Variants in OSBPL8 observed in about 807,000 individuals in gnomAD.
The protein encoded by OSBPL8 is oxysterol binding protein like 8, also known as oxysterol-binding protein-related protein 8.
Under a neutral mutation model 125.5 loss-of-function variants are expected in OSBPL8, and 59 were observed. That is an observed-to-expected ratio of 0.47 (90% confidence interval 0.38 to 0.58). The LOEUF is 0.58. Ranked by LOEUF, OSBPL8 falls within the 20% of genes least tolerant of loss-of-function variation. OSBPL8 has a pLI of 0.00. For synonymous variants in OSBPL8, 330 were observed against 338.9 expected (o/e 0.97, Z 0.29); for missense variants, 758 against 1,047.8 (o/e 0.72, Z 3.82).
chr12:76,362,101 C>T (rs1952228829), intron 21 of OSBPL8, among the ~76,000 whole-genome samples: 1 of 152,022 alleles, frequency 6.6e-6, no homozygotes, highest in African/African-American at 2.4e-5. Flanking sequence ...GCCCATACTC[C>T]TACTTCAAAT....
chr12:76,375,227 A>T, intron 17 of OSBPL8, 46 bp downstream of exon 17: 1 of 1,277,012 alleles, frequency 7.8e-7, no homozygotes, highest in South Asian at 1.3e-5. Context: ...TATTTATTGT[A>T]TGGCTCTCCT....
At chr12:76,487,464 TCA>T in intron 2 of OSBPL8, 44 bp downstream of exon 2, 2 of 1,513,968 alleles carry the variant, frequency 1.3e-6, no homozygotes, top group Non-Finnish European at 1.8e-6. Flanking sequence ...ATCAAACACT[TCA>T]CAGTTACAGA....
At chr12:76,480,328 T>G (rs1289856952) in intron 2 of OSBPL8, among the ~76,000 whole-genome samples, 1 of 152,178 alleles carries the variant, frequency 6.6e-6, no homozygotes, top group African/African-American at 2.4e-5. Context: ...CAGTAAATAC[T>G]TATGAATACA....
chr12:76,416,100 G>A (rs557552256), intron 4 of OSBPL8, among the ~76,000 whole-genome samples: 3 of 151,824 alleles, frequency 2.0e-5, no homozygotes, highest in Admixed American at 6.6e-5. Context: ...CACAAATTTC[G>A]ATATGTAATG....
chr12:76,541,580 T>A (rs982127079), intron 1 of OSBPL8, among the ~76,000 whole-genome samples: 2 of 152,154 alleles, frequency 1.3e-5, no homozygotes, highest in Non-Finnish European at 1.5e-5. Flanking sequence ...ATAGGCCAGT[T>A]GAGGTGGCTC....
At chr12:76,446,628 A>C (rs1872749580) in intron 4 of OSBPL8, among the ~76,000 whole-genome samples, 1 of 152,180 alleles carries the variant, frequency 6.6e-6, no homozygotes, top group Admixed American at 6.5e-5. Flanking sequence ...AAAGCCTAAA[A>C]TGTCAGCCTT....
chr12:76,493,243 C>G (rs1878924945), intron 1 of OSBPL8, among the ~76,000 whole-genome samples: 1 of 152,210 alleles, frequency 6.6e-6, no homozygotes, highest in Non-Finnish European at 1.5e-5. Context: ...TACACCAAAG[C>G]TCCAAACCAA....
intron 4 of OSBPL8, among the ~76,000 whole-genome samples, chr12:76,434,125 C>T (rs532474690): frequency 6.6e-6 from 1 of 152,028 alleles, no homozygotes; most frequent in South Asian, 2.1e-4. Flanking sequence ...CAACAGTAAT[C>T]AAAATGGTAT....
In OSBPL8 at chr12:76,514,080, T is replaced by C. The variant is rs1413374158; in HGVS notation, c.-67-26462A>G. Among the ~76,000 whole-genome samples the C allele has an allele frequency of 2.0e-5, 3 of 152,144 alleles. No homozygotes were observed. In the East Asian group the frequency reaches 5.8e-4, roughly 29 times the overall value. On this transcript the variant is annotated intron_variant, in intron 1 of 23. Transcript: ENST00000261183. Reference sequence around the variant, plus strand: ...GGTCTTTCCTTTCTATATTTAGTGCTCCTTTCAAGATCTCTTGTAAGGCAG... The same window carrying C: ...GGTCTTTCCTTTCTATATTTAGTGCCCCTTTCAAGATCTCTTGTAAGGCAG...
intron 1 of OSBPL8, among the ~76,000 whole-genome samples, chr12:76,511,543 T>C (rs1412613339): frequency 6.6e-6 from 1 of 152,240 alleles, no homozygotes; most frequent in Non-Finnish European, 1.5e-5. Context: ...AAAGTGTCTG[T>C]TCATGTCTTT....
chr12:76,453,456 C>T (rs1483868453), intron 3 of OSBPL8, among the ~76,000 whole-genome samples: 1 of 151,962 alleles, frequency 6.6e-6, no homozygotes, highest in Non-Finnish European at 1.5e-5. Flanking sequence ...ATACATGGAG[C>T]TCAGATATAC....
intron 2 of OSBPL8, among the ~76,000 whole-genome samples, chr12:76,461,726 C>G (rs753585879): frequency 6.6e-6 from 1 of 152,078 alleles, no homozygotes; most frequent in Non-Finnish European, 1.5e-5. Flanking sequence ...CATGAGCCAC[C>G]GTGCCCGGCA....
intron 4 of OSBPL8, among the ~76,000 whole-genome samples, chr12:76,424,876 T>C (rs1035467354): frequency 6.6e-6 from 1 of 152,094 alleles, no homozygotes; most frequent in African/African-American, 2.4e-5. Context: ...CAAAAGTACA[T>C]ATCCAGGAGA....
At chr12:76,419,643 AAG>A (rs1869218218) in intron 4 of OSBPL8, among the ~76,000 whole-genome samples, 1 of 152,220 alleles carries the variant, frequency 6.6e-6, no homozygotes. Flanking sequence ...TTCATATAAA[AAG>A]AAAAAAACAT....
In OSBPL8 at chr12:76,487,635, A is replaced by T. The variant is rs1333944710; in HGVS notation, c.-67-17T>A. ...CTGCAAATCCTAAAATAAGAAAATG[A>T]TATTTATTAGGACTGGTATAAAACT... On this transcript the variant is annotated splice_polypyrimidine_tract_variant and intron_variant, in intron 1 of 23. Transcript: ENST00000261183. The T allele has an allele frequency of 6.1e-6, 7 of 1,153,376 alleles. No individual in the cohort carries two copies. The highest frequency in any genetic ancestry group is 7.3e-6 in the Non-Finnish European group (6 of 821,700). The allele number at this position is 1,153,376 out of a possible 1,614,324, so 71.4% of individuals were successfully genotyped here. A position where few individuals can be genotyped will look rare whatever the true frequency, so the allele number is the denominator to read the frequency against.
intron 4 of OSBPL8, among the ~76,000 whole-genome samples, chr12:76,450,322 T>C (rs1181311544): frequency 6.6e-6 from 1 of 152,040 alleles, no homozygotes; most frequent in Non-Finnish European, 1.5e-5. Context: ...GTCCTGAAAA[T>C]AGTTCGAAGG....
intron 2 of OSBPL8, among the ~76,000 whole-genome samples, chr12:76,469,639 C>T (rs1875880797): frequency 6.6e-6 from 1 of 152,198 alleles, no homozygotes; most frequent in African/African-American, 2.4e-5. Flanking sequence ...GCTACTTCAT[C>T]ACAATACTTC....
At chr12:76,469,479 T>C (rs1875859542) in intron 2 of OSBPL8, among the ~76,000 whole-genome samples, 1 of 152,188 alleles carries the variant, frequency 6.6e-6, no homozygotes, top group African/African-American at 2.4e-5. Flanking sequence ...TACCTCCACC[T>C]TCCTGAGTAG....
intron 7 of OSBPL8, among the ~76,000 whole-genome samples, 169 bp from the exon 8 acceptor site, chr12:76,398,066 A>T (rs1953888913): frequency 6.6e-6 from 1 of 152,228 alleles, no homozygotes. Flanking sequence ...TGAAAATGAC[A>T]TGGCTCTTAT....
Sources: allele counts gnomAD v4.1 joint callset (sites outside exome capture counted in the v4.1 genomes callset), GRCh38; gene constraint gnomAD v4.1.1; transcripts MANE v1.5; gene names NCBI Gene and HGNC (gene_info 2026-07-23, HGNC 2026-07-21).